The following DOCK10 variants were observed in gnomAD, a reference collection of about 807,000 sequenced individuals.
The protein encoded by DOCK10 is dedicator of cytokinesis protein 10.
DOCK10 carries 145 observed loss-of-function variants against 280.1 expected under a neutral mutation model. The observed-to-expected ratio is 0.52, with a 90% CI of 0.45 to 0.59. DOCK10 has a LOEUF of 0.59. Ranked by LOEUF, DOCK10 falls within the 20% of genes least tolerant of loss-of-function variation. The pLI is 0.00. For missense variants in DOCK10, 2,368 were observed against 2,651.7 expected (o/e 0.89, Z 2.35); for synonymous variants, 915 against 942.2 (o/e 0.97, Z 0.53).
intron 1 of DOCK10, among the ~76,000 whole-genome samples, chr2:225,031,671 A>G (rs537467615): frequency 2.0e-5 from 3 of 152,186 alleles, no homozygotes; most frequent in South Asian, 2.1e-4. Flanking sequence ...ACTTCTGCTC[A>G]TGTATGTTCT....
At position 224,786,528 on chromosome 2, in the gene DOCK10, A is replaced by G. The variant is rs139359684; in HGVS notation, c.5655+494T>C. On this transcript the variant is annotated intron_variant, in intron 50 of 55. Transcript: ENST00000258390. This position sits in a 1 kb window ranked among gnomAD's most constrained non-coding sequence, Gnocchi z 4.7. ...ATTGACTTGCAATATAGGAAACAAA[A>G]TAACCATCTGGTATTTTGTCTAGAA... Among the ~76,000 whole-genome samples, 15 of 152,366 alleles carry G rather than the reference A, an allele frequency of 9.8e-5. No individual in the cohort carries two copies. The highest frequency in any genetic ancestry group is 1.9e-4 in the Non-Finnish European group (13 of 68,036).
chr2:224,822,175 A>G (rs373520570), intron 28 of DOCK10, among the ~76,000 whole-genome samples: 268 of 152,346 alleles, frequency 1.8e-3, no homozygotes, highest in African/African-American at 6.0e-3. Flanking sequence ...TAAAGGTTAT[A>G]GTAGTCAAGA....
At position 224,939,376 on chromosome 2, in the gene DOCK10, T is replaced by C. The variant is rs138201195; in HGVS notation, c.124-7708A>G. ...GGATCTTTGAAGTCTTATTTTCTTT[T>C]TAAAGAAATCTGACCATGTATATCT... On this transcript the variant is annotated intron_variant, in intron 1 of 55. Coordinates refer to ENST00000258390, the MANE Select transcript of DOCK10 (RefSeq NM_014689.3). Among the ~76,000 whole-genome samples, 48 of 152,338 alleles carry C rather than the reference T, an allele frequency of 3.2e-4. No homozygotes were observed. The East Asian group carries it at 9.2e-3, about 29-fold the overall frequency.
intron 3 of DOCK10, among the ~76,000 whole-genome samples, chr2:224,902,248 G>A (rs939162040): frequency 2.6e-4 from 40 of 152,102 alleles, no homozygotes; most frequent in African/African-American, 9.2e-4. Flanking sequence ...TGGCTACATA[G>A]TAATAAGCAA....
At chr2:224,994,952 C>T (rs1184616456) in intron 1 of DOCK10, among the ~76,000 whole-genome samples, 2 of 152,132 alleles carry the variant, frequency 1.3e-5, no homozygotes, top group African/African-American at 4.8e-5. Flanking sequence ...TCAAGTGTTT[C>T]CTGAGGTTGC....
chr2:224,821,271 T>C (rs143228094), intron 28 of DOCK10, among the ~76,000 whole-genome samples: 393 of 152,370 alleles, frequency 2.6e-3, no homozygotes, highest in African/African-American at 9.2e-3. Context: ...GTTACAATAA[T>C]ATTTTAATTG....
At chr2:225,016,788 C>T (rs1024629711) in intron 1 of DOCK10, among the ~76,000 whole-genome samples, 6 of 151,352 alleles carry the variant, frequency 4.0e-5, no homozygotes, top group Non-Finnish European at 5.9e-5. Flanking sequence ...CTGCAACCTC[C>T]GCCTCCCGTG....
At chr2:225,016,109 G>A (rs1171738813) in intron 1 of DOCK10, among the ~76,000 whole-genome samples, 1 of 152,034 alleles carries the variant, frequency 6.6e-6, no homozygotes, top group African/African-American at 2.4e-5. Flanking sequence ...CTCTATTATG[G>A]CCACTTCATC....
In DOCK10 at chr2:224,853,099, G is replaced by T. The variant is rs752724217; in HGVS notation, c.1912C>A (p.Pro638Thr). 2.5e-6 allele frequency: 4 copies of T among 1,599,432 alleles called. No homozygotes were observed. The South Asian group carries it at 4.5e-5, about 18-fold the overall frequency. ...HPNCVTSSFIPVKPFNMMAQT... is the reference protein window; with the variant it reads ...HPNCVTSSFITVKPFNMMAQT... The stretch of plus-strand genomic sequence containing the variant: ...GCCATCATGTTGAAAGGCTTGACAG[G>T]GATAAAGGACGATGTTACACAATCT... The change falls in exon 17 of 56, where the codon CCT (proline) becomes ACT (threonine). Residue 638 changes from proline to threonine, a missense_variant. Transcript: ENST00000258390.
intron 50 of DOCK10, 155 bp from the exon 51 acceptor site, chr2:224,778,439 AAC>A (rs1691033103): frequency 2.7e-6 from 2 of 729,902 alleles, no homozygotes; most frequent in African/African-American, 1.7e-5. Flanking sequence ...CGGAGAAGAA[AAC>A]ACAGTGAGAA....
chr2:225,036,533 A>C (rs1395375599), intron 1 of DOCK10, among the ~76,000 whole-genome samples: 1 of 152,192 alleles, frequency 6.6e-6, no homozygotes, highest in East Asian at 1.9e-4. Flanking sequence ...AGGGGATCTT[A>C]TTAAAATGCA....
chr2:224,879,135 T>A (rs559574103), intron 7 of DOCK10, among the ~76,000 whole-genome samples: 13 of 152,212 alleles, frequency 8.5e-5, no homozygotes, highest in Admixed American at 7.2e-4. Context: ...GAAAAAATCA[T>A]TTTGACTGCA....
Position 224,970,996 on chromosome 2 carries a change from TTTTGAGA to T in DOCK10, c.124-39335_124-39329del, listed in dbSNP as rs1705051014. Among the ~76,000 whole-genome samples, 1 of 152,200 alleles carries T rather than the reference TTTTGAGA, an allele frequency of 6.6e-6. No homozygotes were observed. The highest frequency in any genetic ancestry group is 6.5e-5 in the Admixed American group (1 of 15,278). On this transcript the variant is annotated intron_variant, in intron 1 of 55. Transcript: ENST00000258390. The surrounding 1 kb of genome is among the most constrained non-coding windows in gnomAD (Gnocchi z 4.6). Reference sequence around the variant, plus strand: ...GTTAAAAAGAATGTGGGTCTCATCATTTTGAGACCTGAACAAATACCCTTGCTCTGCC... The same window carrying T: ...GTTAAAAAGAATGTGGGTCTCATCATCCTGAACAAATACCCTTGCTCTGCC...
At chr2:225,006,852 A>C (rs1689277586) in intron 1 of DOCK10, among the ~76,000 whole-genome samples, 1 of 152,184 alleles carries the variant, frequency 6.6e-6, no homozygotes, top group Non-Finnish European at 1.5e-5. Flanking sequence ...GGGGGAAATA[A>C]AATCCCCAGT....
chr2:224,995,819 T>C (rs567254915), intron 1 of DOCK10, among the ~76,000 whole-genome samples: 97 of 152,346 alleles, frequency 6.4e-4, no homozygotes, highest in Middle Eastern at 6.8e-3. Flanking sequence ...TGAAGAATTT[T>C]TAATGTGTAT....
chr2:224,896,588 G>A (rs774610133), intron 3 of DOCK10, among the ~76,000 whole-genome samples: 26 of 152,054 alleles, frequency 1.7e-4, no homozygotes, highest in Non-Finnish European at 3.5e-4. Context: ...CTGGTGGCGG[G>A]TGCCTGTAAT....
chr2:224,792,746 G>C (rs1465640894), intron 47 of DOCK10, among the ~76,000 whole-genome samples: 1 of 152,210 alleles, frequency 6.6e-6, no homozygotes, highest in Non-Finnish European at 1.5e-5. Flanking sequence ...TTGAATGTTG[G>C]AGAACATACA....
chr2:224,924,028 T>A (rs559161487), intron 2 of DOCK10, among the ~76,000 whole-genome samples: 8 of 152,194 alleles, frequency 5.3e-5, no homozygotes, highest in Non-Finnish European at 1.0e-4. Flanking sequence ...GTAAAATAAG[T>A]TTTGCCATGT....
rs980598459 is a variant in DOCK10, at chr2:224,864,416, A to G, written c.1602+137T>C. 4 of 831,690 alleles carry G rather than the reference A, an allele frequency of 4.8e-6. No individual in the cohort carries two copies. In the South Asian group the frequency reaches 6.4e-5, roughly 13 times the overall value. 51.5% of individuals were successfully genotyped at this position (831,690 alleles called of 1,614,324 possible). ...TCCCAGCTACTGGGGAGGCTGAGGC[A>G]AGAGAATCACTTGAACCCAGGAGAC... On this transcript the variant is annotated intron_variant, in intron 13 of 55. Transcript: ENST00000258390.
Sources: gnomAD v4.1 joint callset for allele counts (sites outside exome capture counted in the v4.1 genomes callset) on GRCh38, gnomAD v4.1.1 for gene constraint, Gnocchi (gnomAD v3.1) non-coding constraint, MANE v1.5 for transcripts, NCBI Gene and HGNC (gene_info 2026-07-23, HGNC 2026-07-21) for gene names.